VAV2: variants seen among roughly 807,000 people sequenced by gnomAD.
VAV2 encodes guanine nucleotide exchange factor VAV2.
A neutral mutation model predicts 132.5 loss-of-function variants in VAV2; 67 were observed. The ratio of observed to expected loss-of-function variants is 0.51; its 90% confidence interval spans 0.42 to 0.62. The LOEUF (loss-of-function observed/expected upper bound fraction) is 0.62. Ranked by LOEUF, VAV2 falls within the 20% of genes least tolerant of loss-of-function variation. The pLI is 0.00. For synonymous variants in VAV2, 492 were observed against 443.5 expected (o/e 1.11, Z -1.37); for missense variants, 938 against 1,153.6 (o/e 0.81, Z 2.71).
chr9:133,980,908 T>A (rs777483032), intron 1 of VAV2, among the ~76,000 whole-genome samples: 1 of 150,148 alleles, frequency 6.7e-6, no homozygotes, highest in Admixed American at 6.6e-5. Flanking sequence ...TCTCCAACCC[T>A]TAGCTACCAA....
At chr9:133,871,403 C>CAGAT (rs1564423081) in intron 2 of VAV2, among the ~76,000 whole-genome samples, 1 of 142,798 alleles carries the variant, frequency 7.0e-6, no homozygotes, top group Admixed American at 6.9e-5. Flanking sequence ...GATGGACGGA[C>CAGAT]GGATGGATGG....
chr9:133,900,543 A>G (rs1839398488), intron 2 of VAV2, among the ~76,000 whole-genome samples: 1 of 152,140 alleles, frequency 6.6e-6, no homozygotes, highest in South Asian at 2.1e-4. Context: ...AGGTCATAAG[A>G]CCCACCATTC....
Position 133,779,825 on chromosome 9 carries a change from A to C in VAV2, c.1762+93T>G, listed in dbSNP as rs1404165621. 5.6e-5 allele frequency: 85 copies of C among 1,518,814 alleles called. No homozygotes were observed. The South Asian group carries it at 1.0e-3, about 18-fold the overall frequency. The allele number at this position is 1,518,814 out of a possible 1,614,324, so 94.1% of individuals were successfully genotyped here. ...AGCCTGGAGCGTCTGGTGGCTGGGC[A>C]GACCTGGCCATCACCACACCTAGGC... is the stretch of plus-strand genomic sequence containing the variant. On this transcript the variant is annotated intron_variant, in intron 21 of 29. Transcript: ENST00000371850.
intron 1 of VAV2, among the ~76,000 whole-genome samples, chr9:133,985,759 G>A (rs140514832): frequency 3.5e-4 from 54 of 152,300 alleles, no homozygotes; most frequent in African/African-American, 1.3e-3. Context: ...TCTGCAGCTC[G>A]AAGAATGATG....
At chr9:133,971,248 T>A (rs901387223) in intron 1 of VAV2, among the ~76,000 whole-genome samples, 1 of 152,140 alleles carries the variant, frequency 6.6e-6, no homozygotes, top group African/African-American at 2.4e-5. Flanking sequence ...GGGAAAGCCC[T>A]CTGGGGGTCA....
In VAV2 at chr9:133,961,679, A is replaced by G. The variant is rs1480684484; in HGVS notation, c.205-22460T>C. ...TAAGCCTCAGCCAGTTTTACTTCCC[A>G]TTGCAAACCCCTAGCCGGTTTGCCT... On this transcript the variant is annotated intron_variant, in intron 1 of 29. Transcript: ENST00000371850. This position sits in a 1 kb window ranked among gnomAD's most constrained non-coding sequence, Gnocchi z 4.1. Among the ~76,000 whole-genome samples, 1 of 152,132 alleles carries G rather than the reference A, an allele frequency of 6.6e-6. No homozygotes were observed. Among genetic ancestry groups the G allele is most frequent in the Non-Finnish European group, 1.5e-5 (1 of 68,006 alleles).
At position 133,883,710 on chromosome 9, in the gene VAV2, TC is replaced by T. The variant is rs1470137039; in HGVS notation, c.322-22279del. ...TGCCACCAGCAGCTTCTTGCATGCT[TC>T]CCATGACAGGGAGCTCACTACCCAA... is the stretch of plus-strand genomic sequence containing the variant. On this transcript the variant is annotated intron_variant, in intron 2 of 29. Transcript: ENST00000371850. The surrounding 1 kb of genome is among the most constrained non-coding windows in gnomAD (Gnocchi z 4.2). Among the ~76,000 whole-genome samples the T allele has an allele frequency of 4.6e-5, 7 of 152,148 alleles. No individual in the cohort carries two copies. The highest frequency in any genetic ancestry group is 1.0e-4 in the Non-Finnish European group (7 of 68,016).
In VAV2 at chr9:133,917,202, G is replaced by A. The variant is rs369411418; in HGVS notation, c.321+21901C>T. Among the ~76,000 whole-genome samples the A allele has an allele frequency of 2.0e-3, 294 of 148,316 alleles. 2 individuals carry two copies. The highest frequency in any genetic ancestry group is 6.5e-3 in the African/African-American group (266 of 40,776). On this transcript the variant is annotated intron_variant, in intron 2 of 29. Transcript: ENST00000371850. ...CCCTTCCCTGAGGGGCCCTATCCCC[G>A]TCCTCCTCTTCCAGGGGCCAAGTTC...
intron 1 of VAV2, among the ~76,000 whole-genome samples, chr9:133,990,676 C>T (rs1393302315): frequency 6.6e-6 from 1 of 152,232 alleles, no homozygotes; most frequent in African/African-American, 2.4e-5. Flanking sequence ...AGCTACCCTT[C>T]TCCTCAGTTT....
Position 133,797,816 on chromosome 9 carries a change from G to A in VAV2, c.837-7C>T, listed in dbSNP as rs566459702. 6 of 1,613,292 alleles carry A rather than the reference G, an allele frequency of 3.7e-6. No individual in the cohort carries two copies. The African/African-American group carries it at 4.0e-5, about 11-fold the overall frequency. On this transcript the variant is annotated splice_region_variant and splice_polypyrimidine_tract_variant and intron_variant, in intron 9 of 29. Coordinates refer to ENST00000371850, the MANE Select transcript of VAV2 (RefSeq NM_001134398.2). ...CTCCCCGTAGATCAGAAGCCTGGAC[G>A]GTGCACACACACGCACACACGCACA...
At chr9:133,820,610 C>T (rs1835750534) in intron 4 of VAV2, among the ~76,000 whole-genome samples, 1 of 152,184 alleles carries the variant, frequency 6.6e-6, no homozygotes, top group Non-Finnish European at 1.5e-5. Context: ...CAGGCGTGAG[C>T]CACCGCGCCC....
In VAV2 at chr9:133,828,508, G is replaced by A. The variant is rs540197795; in HGVS notation, c.449+5764C>T. On this transcript the variant is annotated intron_variant, in intron 4 of 29. Transcript: ENST00000371850. ...GGGCTGACCACTGAGCACGGGCATC[G>A]CCGGCATGCGGCCACCTTCCTGGAC... Among the ~76,000 whole-genome samples, 31 of 151,612 alleles carry A rather than the reference G, an allele frequency of 2.0e-4. 1 individual carries two copies. Among genetic ancestry groups the A allele is most frequent in the African/African-American group, 5.6e-4 (23 of 41,266 alleles).
intron 25 of VAV2, among the ~76,000 whole-genome samples, chr9:133,772,670 G>A (rs1377518092): frequency 6.6e-6 from 1 of 151,676 alleles, no homozygotes; most frequent in African/African-American, 2.4e-5. Flanking sequence ...ACAGCCCAAT[G>A]TCCCTAATGA....
chr9:133,881,585 G>A (rs113362597), intron 2 of VAV2, among the ~76,000 whole-genome samples: 104 of 152,296 alleles, frequency 6.8e-4, no homozygotes, highest in Non-Finnish European at 1.3e-3. Flanking sequence ...GGAAGGTGCA[G>A]AGAAAGGCCT....
chr9:133,801,470 A>G (rs1834927296), intron 9 of VAV2, among the ~76,000 whole-genome samples: 1 of 152,208 alleles, frequency 6.6e-6, no homozygotes, highest in South Asian at 2.1e-4. Context: ...ACGCCTCTGC[A>G]GAGGGACACT....
At chr9:133,836,497 A>G (rs1418513251) in intron 3 of VAV2, among the ~76,000 whole-genome samples, 2 of 152,216 alleles carry the variant, frequency 1.3e-5, no homozygotes, top group Admixed American at 1.3e-4. Context: ...TCATTATGAA[A>G]ATGTGTCCTC....
chr9:133,978,864 CAA>C (rs1006777161), intron 1 of VAV2, among the ~76,000 whole-genome samples: 8 of 152,248 alleles, frequency 5.3e-5, no homozygotes, highest in African/African-American at 1.9e-4. Context: ...CAGCTCCAGG[CAA>C]AGAGTCCTTC....
chr9:133,988,646 G>A (rs575271422), intron 1 of VAV2, among the ~76,000 whole-genome samples: 20 of 152,326 alleles, frequency 1.3e-4, no homozygotes, highest in Admixed American at 1.3e-4. Context: ...AGTTTCAGCC[G>A]GACGCGGGGG....
Position 133,916,035 on chromosome 9 carries a change from C to CCATGCACACTCACACACAATGCA in VAV2, c.321+23045_321+23067dup, listed in dbSNP as rs1840077540. ...CATGCACGGAATGCACACAAGGCAC[C>CCATGCACACTCACACACAATGCA]CATGCACACTCACACACAATGCACA... On this transcript the variant is annotated intron_variant, in intron 2 of 29. Transcript: ENST00000371850. 6.0e-5 allele frequency among the ~76,000 whole-genome samples: 9 copies of CCATGCACACTCACACACAATGCA among 151,008 alleles called. No homozygotes were observed. In the South Asian group the frequency reaches 1.9e-3, roughly 32 times the overall value.
Sources: allele counts gnomAD v4.1 joint callset (sites outside exome capture counted in the v4.1 genomes callset), GRCh38; gene constraint gnomAD v4.1.1; non-coding constraint Gnocchi (gnomAD v3.1); transcripts MANE v1.5; gene names NCBI Gene and HGNC (gene_info 2026-07-23, HGNC 2026-07-21).